TRPV3: variants seen among roughly 807,000 people sequenced by gnomAD.
The protein encoded by TRPV3 is transient receptor potential cation channel subfamily V member 3.
TRPV3 carries 88 observed loss-of-function variants against 87.1 expected under a neutral mutation model. The ratio of observed to expected loss-of-function variants is 1.01; its 90% CI spans 0.85 to 1.21. TRPV3 has a LOEUF of 1.21. TRPV3 is among the 50% of genes most tolerant of loss of function. The pLI is 0.00. For missense variants in TRPV3, 1,054 were observed against 1,030.1 expected (o/e 1.02, Z -0.32); for synonymous variants, 438 against 423.3 (o/e 1.03, Z -0.43).
intron 1 of TRPV3, among the ~76,000 whole-genome samples, chr17:3,555,095 C>T (rs1004549477): frequency 6.6e-6 from 1 of 152,132 alleles, no homozygotes; most frequent in Non-Finnish European, 1.5e-5. Flanking sequence ...GCAGGGTGTC[C>T]CAGTAGAGAC....
In TRPV3 at chr17:3,518,347, C is replaced by A. The variant is rs544354942; in HGVS notation, c.2085+229G>T. On this transcript the variant is annotated intron_variant, in intron 15 of 17. Coordinates refer to ENST00000576742, the MANE Select transcript of TRPV3 (RefSeq NM_145068.4). The surrounding 1 kb of genome is among the most constrained non-coding windows in gnomAD (Gnocchi z 4.3). The stretch of plus-strand genomic sequence containing the variant: ...CACACTGTCAACCCTGAGCAGAGCA[C>A]CCCCATGAGCCTGAGTTTTTCTACA... 6.6e-6 allele frequency among the ~76,000 whole-genome samples: 1 copy of A among 152,176 alleles called. No homozygotes were observed.
rs2074304374 is a variant in TRPV3, at chr17:3,526,839, G to T, written c.1577+15C>A. 1 of 1,605,694 alleles carries T rather than the reference G, an allele frequency of 6.2e-7. No individual in the cohort carries two copies. Among genetic ancestry groups the T allele is most frequent in the Middle Eastern group, 1.7e-4 (1 of 6,050 alleles). On this transcript the variant is annotated intron_variant, in intron 12 of 17. Transcript: ENST00000576742. ...CTGCCTGTGAGGCGATAACCAAGGG[G>T]CCAGACCTACTTACAAGACAAAGTG...
chr17:3,532,176 G>C (rs1306307959), intron 8 of TRPV3, among the ~76,000 whole-genome samples: 2 of 152,228 alleles, frequency 1.3e-5, no homozygotes, highest in Non-Finnish European at 2.9e-5. Flanking sequence ...GGCAAGAAGG[G>C]CCCAAAGCGG....
rs2074514549 is a variant in TRPV3 at position 3,545,389 on chromosome 17, G to A, written c.120-118C>T. On this transcript the variant is annotated intron_variant, in intron 2 of 17. Transcript: ENST00000576742. ...CTGAGCACACACCCTGGCCAGCTCT[G>A]AGCCCAAATGGCCTTGCCCAGCCCT... is the stretch of plus-strand genomic sequence containing the variant. 5.9e-6 allele frequency: 4 copies of A among 678,388 alleles called. No homozygotes were observed. The South Asian group carries it at 8.5e-5, about 14-fold the overall frequency. The allele number at this position is 678,388 out of a possible 1,614,324, so 42.0% of individuals were successfully genotyped here. A position where few individuals can be genotyped will look rare whatever the true frequency, so the allele number is the denominator to read the frequency against.
intron 2 of TRPV3, among the ~76,000 whole-genome samples, chr17:3,550,864 G>A (rs193123787): frequency 3.3e-5 from 5 of 152,244 alleles, no homozygotes; most frequent in South Asian, 2.1e-4. Context: ...TTACTCAAAA[G>A]CTACTAATAT....
intron 11 of TRPV3, chr17:3,527,688 T>A: frequency 2.8e-6 from 1 of 362,060 alleles, no homozygotes; most frequent in Non-Finnish European, 5.2e-6. Flanking sequence ...TAAGGATGAG[T>A]GGACATGTGA....
At chr17:3,531,988 G>A (rs1249567043) in intron 8 of TRPV3, among the ~76,000 whole-genome samples, 2 of 152,168 alleles carry the variant, frequency 1.3e-5, no homozygotes, top group African/African-American at 2.4e-5. Context: ...CAGCCTCCTC[G>A]CAGAGCGTAG....
Position 3,543,366 on chromosome 17 carries a change from G to A in TRPV3, c.466+108C>T. 4 of 1,393,640 alleles carry A rather than the reference G, an allele frequency of 2.9e-6. No individual in the cohort carries two copies. The South Asian group carries it at 3.9e-5, about 14-fold the overall frequency. 86.3% of individuals were successfully genotyped at this position (1,393,640 alleles called of 1,614,324 possible). On this transcript the variant is annotated intron_variant, in intron 5 of 17. Coordinates refer to ENST00000576742, the MANE Select transcript of TRPV3 (RefSeq NM_145068.4). ...TTCAAAGTCCCTAGCCAGAATTCAAGGCCCCTCACACTCCAGCCTCATGGG... is the reference window on the plus strand; with the variant it reads ...TTCAAAGTCCCTAGCCAGAATTCAAAGCCCCTCACACTCCAGCCTCATGGG...
intron 12 of TRPV3, among the ~76,000 whole-genome samples, chr17:3,525,272 G>T (rs530491076): frequency 1.3e-5 from 2 of 152,222 alleles, no homozygotes; most frequent in East Asian, 3.9e-4. Flanking sequence ...CACCCACCTC[G>T]GCCTCCCAAA....
chr17:3,539,000 A>G (rs1312951779), intron 6 of TRPV3, among the ~76,000 whole-genome samples: 2 of 152,214 alleles, frequency 1.3e-5, no homozygotes, highest in Non-Finnish European at 2.9e-5. Context: ...GCACTGTGAC[A>G]TTGTCACAAC....
chr17:3,544,423 C>T (rs1436880891), intron 4 of TRPV3, among the ~76,000 whole-genome samples, 156 bp downstream of exon 4: 8 of 152,220 alleles, frequency 5.3e-5, no homozygotes, highest in Admixed American at 2.0e-4. Flanking sequence ...ACTCCTTCCC[C>T]GTAAACGTCC....
intron 6 of TRPV3, among the ~76,000 whole-genome samples, chr17:3,538,142 G>C (rs2074425074): frequency 6.6e-6 from 1 of 151,810 alleles, no homozygotes; most frequent in African/African-American, 2.4e-5. Flanking sequence ...AGCTTGCAGT[G>C]AGCATGCCAC....
intron 9 of TRPV3, among the ~76,000 whole-genome samples, chr17:3,529,762 C>T (rs928634103): frequency 5.3e-5 from 8 of 152,006 alleles, no homozygotes; most frequent in South Asian, 2.1e-4. Flanking sequence ...CCTGGATACT[C>T]GGTCCAGAAG....
At chr17:3,536,979 A>C (rs1317156723) in intron 6 of TRPV3, among the ~76,000 whole-genome samples, 1 of 152,212 alleles carries the variant, frequency 6.6e-6, no homozygotes, top group East Asian at 1.9e-4. Flanking sequence ...ACCAAGCTTT[A>C]AGACACATTA....
Position 3,557,264 on chromosome 17 carries a change from G to C in TRPV3, c.-3+412C>G, listed in dbSNP as rs1375861051. 6.6e-6 allele frequency among the ~76,000 whole-genome samples: 1 copy of C among 152,060 alleles called. No homozygotes were observed. Among genetic ancestry groups the C allele is most frequent in the Non-Finnish European group, 1.5e-5 (1 of 67,996 alleles). ...TGACTCAGCACCTGTGAGATGCCTG[G>C]GCCCCGTCTGTCTCCCACGGTGGGG... On this transcript the variant is annotated intron_variant, in intron 1 of 17. Coordinates refer to ENST00000576742, the MANE Select transcript of TRPV3 (RefSeq NM_145068.4). The surrounding 1 kb of genome is among the most constrained non-coding windows in gnomAD (Gnocchi z 4.5).
chr17:3,535,510 C>G, intron 7 of TRPV3, 63 bp downstream of exon 7: 1 of 1,455,788 alleles, frequency 6.9e-7, no homozygotes, highest in Non-Finnish European at 9.1e-7. Context: ...CCTTCCCTCC[C>G]TTCCTCTCCC....
At chr17:3,523,936 A>G (rs1277882512) in intron 13 of TRPV3, among the ~76,000 whole-genome samples, 7 of 151,076 alleles carry the variant, frequency 4.6e-5, no homozygotes, top group Admixed American at 4.6e-4. Context: ...AACAGTCGTT[A>G]AATGTTTACC....
intron 6 of TRPV3, among the ~76,000 whole-genome samples, chr17:3,540,277 G>A (rs1301179572): frequency 1.3e-5 from 2 of 152,102 alleles, no homozygotes; most frequent in Non-Finnish European, 1.5e-5. Flanking sequence ...GAGCCCCTCT[G>A]CTCCGGGTGG....
chr17:3,535,588 C>G lies in TRPV3; in HGVS notation c.769G>C (p.Glu257Gln). 6.2e-7 allele frequency: 1 copy of G among 1,605,022 alleles called. No individual in the cohort carries two copies. The highest frequency in any genetic ancestry group is 2.3e-5 in the East Asian group (1 of 43,526). The change falls in exon 7 of 18, where the codon GAA (glutamate) becomes CAA (glutamine). Residue 257 changes from glutamate to glutamine, a missense_variant. Coordinates refer to ENST00000576742, the MANE Select transcript of TRPV3 (RefSeq NM_145068.4). ...CGGCACCCACCGAAGTAGAAGCCTT[C>G]GTGTTGGTACTTGGGGTTGAAGAAG... is the stretch of plus-strand genomic sequence containing the variant. ...GAFFNPKYQH[E>Q]GFYFGETPLA...
Sources: gnomAD v4.1 joint callset for allele counts (sites outside exome capture counted in the v4.1 genomes callset) on GRCh38, gnomAD v4.1.1 for gene constraint, Gnocchi (gnomAD v3.1) non-coding constraint, MANE v1.5 for transcripts, NCBI Gene and HGNC (gene_info 2026-07-23, HGNC 2026-07-21) for gene names.